The following MRPS28 variants were observed in gnomAD, a reference collection of about 807,000 sequenced individuals.
MRPS28 encodes the protein mitochondrial ribosomal protein S28.
A neutral mutation model predicts 10.8 loss-of-function variants in MRPS28; 7 were observed. The ratio of observed to expected loss-of-function variants is 0.65; its 90% CI spans 0.37 to 1.22. The LOEUF is 1.22. Ranked by LOEUF, MRPS28 falls within the 50% of genes most tolerant of loss-of-function variation. MRPS28 has a pLI of 0.02. For synonymous variants in MRPS28, 121 were observed against 93.3 expected (o/e 1.30, Z -1.71); for missense variants, 265 against 232.9 (o/e 1.14, Z -0.90).
At chr8:79,978,416 A>G (rs1430417205) in intron 2 of MRPS28, among the ~76,000 whole-genome samples, 1 of 152,168 alleles carries the variant, frequency 6.6e-6, no homozygotes, top group African/African-American at 2.4e-5. Flanking sequence ...GAAGTGACAG[A>G]CTGATCAGGA....
chr8:79,922,423 C>T (rs529816345), intron 2 of MRPS28, among the ~76,000 whole-genome samples: 1 of 152,152 alleles, frequency 6.6e-6, no homozygotes, highest in East Asian at 1.9e-4. Context: ...ATGATGATGA[C>T]AATAATATGT....
chr8:79,947,594 T>C (rs1012314586), intron 2 of MRPS28, among the ~76,000 whole-genome samples: 1 of 151,654 alleles, frequency 6.6e-6, no homozygotes, highest in African/African-American at 2.4e-5. Context: ...GTTTTCAGCA[T>C]AGAGGTCTTA....
intron 2 of MRPS28, among the ~76,000 whole-genome samples, chr8:79,945,765 C>T (rs1337706821): frequency 6.6e-6 from 1 of 152,094 alleles, no homozygotes; most frequent in African/African-American, 2.4e-5. Flanking sequence ...ATTTTCAAAA[C>T]TGTATGAGAA....
intron 2 of MRPS28, among the ~76,000 whole-genome samples, chr8:79,968,997 A>G (rs1258107059): frequency 6.6e-6 from 1 of 152,186 alleles, no homozygotes; most frequent in African/African-American, 2.4e-5. Context: ...TGTGTGTCCA[A>G]TATAAATTCT....
intron 2 of MRPS28, among the ~76,000 whole-genome samples, chr8:79,921,148 T>C (rs1810082327): frequency 1.3e-5 from 2 of 150,886 alleles, no homozygotes; most frequent in African/African-American, 5.0e-5. Context: ...CATTGGTCTA[T>C]ATCTCTGTTT....
intron 1 of MRPS28, among the ~76,000 whole-genome samples, chr8:80,007,116 C>T (rs1435950407): frequency 3.9e-5 from 6 of 152,156 alleles, no homozygotes; most frequent in African/African-American, 7.2e-5. Context: ...GCTGGTTCAA[C>T]ATATGCAAAT....
At chr8:80,003,201 T>G (rs1357217036) in intron 1 of MRPS28, 21 bp from the exon 2 acceptor site, 1 of 1,512,924 alleles carries the variant, frequency 6.6e-7, no homozygotes, top group Non-Finnish European at 8.9e-7. Context: ...AAAGAGATAT[T>G]TATATACATA....
chr8:79,981,215 A>C (rs148246267), intron 2 of MRPS28, among the ~76,000 whole-genome samples: 67 of 152,246 alleles, frequency 4.4e-4, no homozygotes, highest in African/African-American at 1.6e-3. Flanking sequence ...CTGTAGTCCC[A>C]GCTACTTGCA....
intron 2 of MRPS28, among the ~76,000 whole-genome samples, chr8:79,920,152 G>A (rs1810046931): frequency 6.6e-6 from 1 of 151,996 alleles, no homozygotes. Context: ...AGTATTCCAT[G>A]GTGTATATGT....
In MRPS28 at chr8:80,003,121, C is replaced by A; in HGVS notation, c.273G>T (p.Gln91His). The change falls in exon 2 of 3, where the codon CAG becomes CAT. Residue 91 changes from glutamine (Q) to histidine (H), a missense_variant. By Grantham distance (24) the Gln-to-His change is conservative. Coordinates refer to ENST00000276585, the MANE Select transcript of MRPS28 (RefSeq NM_014018.3). Reference sequence around the variant, plus strand: ...CCAGTTTATCCTTTGCAGGTCCCATCTGTGTAAGAGGAGAATGTCTCAGCA... The same window carrying A: ...CCAGTTTATCCTTTGCAGGTCCCATATGTGTAAGAGGAGAATGTCTCAGCA... ...ASMLRHSPLT[Q>H]MGPAKDKLVI... The A allele has an allele frequency of 6.2e-7, 1 of 1,612,752 alleles. No homozygotes were observed. The highest frequency in any genetic ancestry group is 8.5e-7 in the Non-Finnish European group (1 of 1,179,636).
rs866057230 is a variant in MRPS28 at position 79,946,208 on chromosome 8, T to A, written c.396-27060A>T. The stretch of plus-strand genomic sequence containing the variant: ...CCCAATGTCACTGCCCAAAGCTAAA[T>A]AATCAAAATGTCCCATCTTGACTAT... On this transcript the variant is annotated intron_variant, in intron 2 of 2. Transcript: ENST00000276585. 2.0e-5 allele frequency among the ~76,000 whole-genome samples: 3 copies of A among 152,270 alleles called. No individual in the cohort carries two copies. In the Middle Eastern group the frequency reaches 0.01, roughly 518 times the overall value.
Position 79,996,068 on chromosome 8 carries a change from C to CA in MRPS28, c.395+6930dup, listed in dbSNP as rs559268636. ...GACCCTGGGTCATCAAAAGCAAAAA[C>CA]AAAAAAAGGTTCAACTATTTTAGGT... On this transcript the variant is annotated intron_variant, in intron 2 of 2. Coordinates refer to ENST00000276585, the MANE Select transcript of MRPS28 (RefSeq NM_014018.3). Among the ~76,000 whole-genome samples the CA allele has an allele frequency of 2.7e-3, 413 of 151,318 alleles. 5 individuals carry two copies. Among genetic ancestry groups the CA allele is most frequent in the African/African-American group, 9.4e-3 (389 of 41,306 alleles).
rs117558402 is a variant in MRPS28, at chr8:79,955,343, G to A, written c.396-36195C>T. Among the ~76,000 whole-genome samples the A allele has an allele frequency of 1.0e-2, 1,516 of 152,230 alleles. 12 individuals carry two copies. The highest frequency in any genetic ancestry group is 0.014 in the African/African-American group (599 of 41,520). ...GCTGTCTCTCTTCTCATTTTATTTA[G>A]GCAGGTAGAAGCCAGGTATTAAGAG... On this transcript the variant is annotated intron_variant, in intron 2 of 2. Transcript: ENST00000276585.
chr8:79,949,377 GC>G (rs1352503991), intron 2 of MRPS28, among the ~76,000 whole-genome samples: 2 of 148,830 alleles, frequency 1.3e-5, no homozygotes. Flanking sequence ...TTGCGCCACT[GC>G]ACTACAGCCT....
intron 2 of MRPS28, among the ~76,000 whole-genome samples, chr8:79,999,865 T>C (rs1808613345): frequency 6.6e-6 from 1 of 151,088 alleles, no homozygotes; most frequent in African/African-American, 2.4e-5. Flanking sequence ...ACTCTTATCT[T>C]TTTTTTTTAA....
chr8:79,987,846 T>C (rs976224544), intron 2 of MRPS28, among the ~76,000 whole-genome samples: 31 of 152,268 alleles, frequency 2.0e-4, no homozygotes, highest in East Asian at 1.3e-3. Flanking sequence ...AGTTTAACCA[T>C]TGTGGAAGTC....
intron 2 of MRPS28, among the ~76,000 whole-genome samples, chr8:79,994,610 A>G (rs1808453275): frequency 6.6e-6 from 1 of 151,964 alleles, no homozygotes; most frequent in South Asian, 2.1e-4. Context: ...TCATATTCTC[A>G]TCATTTTTTT....
rs752091508 is a variant in MRPS28 at position 80,003,013 on chromosome 8, T to A, written c.381A>T (p.Pro127=). ...ATTTTACTTACTCTCCATCCACTTC[T>A]GGTCTTCTACATACACAATGAAACT... ...GGKFHCVCRR[P]EVDGEKYQKG... is the part of the protein sequence containing the mutation. Residue 127 remains proline, a synonymous_variant, in exon 2 of 3, where the codon CCA becomes CCT. Transcript: ENST00000276585. 6.3e-7 allele frequency: 1 copy of A among 1,587,366 alleles called. No homozygotes were observed. Among genetic ancestry groups the A allele is most frequent in the Non-Finnish European group, 8.5e-7 (1 of 1,171,184 alleles).
chr8:79,995,077 G>A (rs1424211612), intron 2 of MRPS28, among the ~76,000 whole-genome samples: 1 of 152,116 alleles, frequency 6.6e-6, no homozygotes, highest in Non-Finnish European at 1.5e-5. Context: ...ACAATGAACA[G>A]AACTTATATG....
Sources: allele counts gnomAD v4.1 joint callset (sites outside exome capture counted in the v4.1 genomes callset), GRCh38; gene constraint gnomAD v4.1.1; transcripts MANE v1.5; gene names NCBI Gene and HGNC (gene_info 2026-07-23, HGNC 2026-07-21).